ADAMTS19: variants seen among roughly 807,000 people sequenced by gnomAD.
ADAMTS19 encodes the protein ADAM metallopeptidase with thrombospondin type 1 motif 19.
A neutral mutation model predicts 153.3 loss-of-function variants in ADAMTS19; 93 were observed. That is an observed-to-expected ratio of 0.61 (90% CI 0.51 to 0.72). The LOEUF is 0.72. Ranked by LOEUF, ADAMTS19 falls within the 30% of genes least tolerant of loss-of-function variation. ADAMTS19 has a pLI of 0.00. For missense variants in ADAMTS19, 1,482 were observed against 1,552.1 expected, an observed-to-expected ratio of 0.95 and a Z score of 0.76; for synonymous variants, 600 against 556.6, an observed-to-expected ratio of 1.08 and a Z score of -1.10.
intron 7 of ADAMTS19, among the ~76,000 whole-genome samples, chr5:129,590,607 A>C (rs1007906331): frequency 6.6e-6 from 1 of 152,190 alleles, no homozygotes; most frequent in Non-Finnish European, 1.5e-5. Flanking sequence ...ATATTTTTTT[A>C]AAAATAGAAA....
rs1026031170 is a variant in ADAMTS19 at position 129,461,994 on chromosome 5, G to A, written c.747+237G>A. Among the ~76,000 whole-genome samples the A allele has an allele frequency of 1.3e-5, 2 of 152,192 alleles. No individual in the cohort carries two copies. Among genetic ancestry groups the A allele is most frequent in the African/African-American group, 4.8e-5 (2 of 41,440 alleles). ...TGGCCTTCTCCTTCCAGATGGTTAT[G>A]TGTCTTTCAAAACTGCGTGAAACTC... On this transcript the variant is annotated intron_variant, in intron 2 of 22. Coordinates refer to ENST00000274487, the MANE Select transcript of ADAMTS19 (RefSeq NM_133638.6). This position sits in a 1 kb window ranked among gnomAD's most constrained non-coding sequence, Gnocchi z 4.6.
intron 16 of ADAMTS19, among the ~76,000 whole-genome samples, chr5:129,669,088 G>GTA (rs367655854): frequency 0.047 from 7,074 of 149,070 alleles, 466 homozygotes; most frequent in African/African-American, 0.15. Flanking sequence ...ATATATATGT[G>GTA]TATATATATA....
In ADAMTS19 at chr5:129,696,996, G is replaced by A. The variant is rs189002108; in HGVS notation, c.2954+2141G>A. 2.0e-3 allele frequency among the ~76,000 whole-genome samples: 305 copies of A among 152,238 alleles called. 2 individuals carry two copies. The highest frequency in any genetic ancestry group is 6.8e-3 in the Middle Eastern group (2 of 294). ...AGCAAAAGACCTGGAAAGGGAAGGG[G>A]ATTCCCTATAGAATGTCAGTTTCCC... is the stretch of plus-strand genomic sequence containing the variant. On this transcript the variant is annotated intron_variant, in intron 19 of 22. Transcript: ENST00000274487.
intron 10 of ADAMTS19, among the ~76,000 whole-genome samples, chr5:129,622,945 G>A (rs149948134): frequency 7.9e-5 from 12 of 151,986 alleles, no homozygotes; most frequent in Admixed American, 6.6e-4. Context: ...TGGATCCCTG[G>A]ATGTGGAAAC....
chr5:129,636,057 T>C lies in ADAMTS19; in HGVS notation c.1771-5802T>C, dbSNP rs138649000. ...AATTATAGGTGCCTGCCACCACGTC[T>C]GGTTAATTTTTGTATTTTTAGTAGA... On this transcript the variant is annotated intron_variant, in intron 10 of 22. Transcript: ENST00000274487. 5.3e-3 allele frequency among the ~76,000 whole-genome samples: 800 copies of C among 152,194 alleles called. 7 individuals carry two copies. Among genetic ancestry groups the C allele is most frequent in the African/African-American group, 0.018 (763 of 41,524 alleles).
intron 10 of ADAMTS19, among the ~76,000 whole-genome samples, chr5:129,640,253 T>C (rs1752733808): frequency 6.6e-6 from 1 of 152,152 alleles, no homozygotes; most frequent in Non-Finnish European, 1.5e-5. Flanking sequence ...CACTGTTAGA[T>C]ATTTTGAAAT....
chr5:129,546,737 A>G (rs1027947632), intron 6 of ADAMTS19, among the ~76,000 whole-genome samples: 1 of 151,198 alleles, frequency 6.6e-6, no homozygotes, highest in Non-Finnish European at 1.5e-5. Flanking sequence ...GAGATGCTGA[A>G]GAATGTACTT....
At chr5:129,580,216 C>T (rs952813449) in intron 7 of ADAMTS19, among the ~76,000 whole-genome samples, 2 of 152,122 alleles carry the variant, frequency 1.3e-5, no homozygotes, top group Non-Finnish European at 2.9e-5. Context: ...TGGGAGTTCA[C>T]TCATGATTTG....
chr5:129,661,856 C>T (rs1005718782), intron 15 of ADAMTS19, among the ~76,000 whole-genome samples: 2 of 152,028 alleles, frequency 1.3e-5, no homozygotes, highest in Admixed American at 6.5e-5. Context: ...AGAGCTTTTG[C>T]GTGTTTGGTT....
At chr5:129,622,441 C>A in intron 10 of ADAMTS19, 93 bp downstream of exon 10, 1 of 1,369,562 alleles carries the variant, frequency 7.3e-7, no homozygotes. Flanking sequence ...GTTTGTGGAT[C>A]AAAAGCACCC....
intron 2 of ADAMTS19, among the ~76,000 whole-genome samples, chr5:129,497,460 A>G (rs1750964658): frequency 1.3e-5 from 2 of 152,140 alleles, no homozygotes; most frequent in Admixed American, 1.3e-4. Context: ...AAAACTATCC[A>G]CTAAGCTTCA....
rs553643859 is a variant in ADAMTS19, at chr5:129,549,769, C to T, written c.1329-2095C>T. 4.0e-5 allele frequency among the ~76,000 whole-genome samples: 6 copies of T among 150,116 alleles called. No homozygotes were observed. In the South Asian group the frequency reaches 1.3e-3, roughly 31 times the overall value. ...ATATACATTTCTAATATGCAAGGAA[C>T]ATTTACCAACACACACACACATACA... On this transcript the variant is annotated intron_variant, in intron 6 of 22. Coordinates refer to ENST00000274487, the MANE Select transcript of ADAMTS19 (RefSeq NM_133638.6).
intron 7 of ADAMTS19, among the ~76,000 whole-genome samples, chr5:129,588,671 T>A (rs1749943149): frequency 2.0e-5 from 3 of 151,774 alleles, no homozygotes; most frequent in South Asian, 4.1e-4. Flanking sequence ...TGCATAATAA[T>A]ATTTTTACCT....
At chr5:129,724,592 G>A (rs1247863713) in intron 21 of ADAMTS19, among the ~76,000 whole-genome samples, 2 of 152,120 alleles carry the variant, frequency 1.3e-5, no homozygotes, top group Non-Finnish European at 2.9e-5. Flanking sequence ...TCTCATGCCA[G>A]GGGCAGACAC....
intron 7 of ADAMTS19, among the ~76,000 whole-genome samples, chr5:129,578,519 A>T (rs973876791): frequency 6.6e-6 from 1 of 151,846 alleles, no homozygotes; most frequent in African/African-American, 2.4e-5. Context: ...ATAGGTATAC[A>T]CGTGCCAGGG....
chr5:129,679,869 T>G lies in ADAMTS19; in HGVS notation c.2612T>G (p.Leu871Arg), dbSNP rs1754719503. The G allele has an allele frequency of 6.2e-7, 1 of 1,613,968 alleles. No homozygotes were observed. Among genetic ancestry groups the G allele is most frequent in the South Asian group, 1.1e-5 (1 of 91,070 alleles). The change falls in exon 17 of 23, where the codon CTC becomes CGC. Residue 871 changes from leucine (L) to arginine (R), a missense_variant. This residue lies in a region of ADAMTS19 where 616 missense variants were observed against 724.4 expected (regional missense o/e 0.85). Coordinates refer to ENST00000274487, the MANE Select transcript of ADAMTS19 (RefSeq NM_133638.6). Reference protein sequence around the residue: ...GTTVHYVRRGLWEKISAKGPT... With the variant: ...GTTVHYVRRGRWEKISAKGPT... ...ACCGTTCATTATGTAAGACGAGGCCTCTGGGAGAAGATCTCTGCCAAAGGT... is the reference window on the plus strand; with the variant it reads ...ACCGTTCATTATGTAAGACGAGGCCGCTGGGAGAAGATCTCTGCCAAAGGT...
chr5:129,644,154 T>G (rs1013587541), intron 11 of ADAMTS19, among the ~76,000 whole-genome samples: 1 of 152,224 alleles, frequency 6.6e-6, no homozygotes, highest in Admixed American at 6.5e-5. Flanking sequence ...AGTAAAAAGT[T>G]TTATTTTCCT....
intron 15 of ADAMTS19, 152 bp downstream of exon 15, chr5:129,658,889 T>G (rs566681706): frequency 1.3e-6 from 1 of 796,038 alleles, no homozygotes. Context: ...ACAATACATG[T>G]GATATGAGCC....
At chr5:129,634,159 G>T (rs1177776647) in intron 10 of ADAMTS19, among the ~76,000 whole-genome samples, 1 of 152,094 alleles carries the variant, frequency 6.6e-6, no homozygotes, top group African/African-American at 2.4e-5. Context: ...TCAAAAGTGT[G>T]CCTGCTGAAA....
Sources: gnomAD v4.1 joint callset for allele counts (sites outside exome capture counted in the v4.1 genomes callset) on GRCh38, gnomAD v4.1.1 for gene constraint, gnomAD v4.1.1 regional missense constraint, Gnocchi (gnomAD v3.1) non-coding constraint, MANE v1.5 for transcripts, NCBI Gene and HGNC (gene_info 2026-07-23, HGNC 2026-07-21) for gene names.